The following IGF1R variants were observed in gnomAD, a reference collection of about 807,000 sequenced individuals.
IGF1R encodes insulin like growth factor 1 receptor.
In IGF1R, 44 loss-of-function variants were observed where a neutral mutation model predicts 144.6. That is an observed-to-expected ratio of 0.30 (90% CI 0.24 to 0.39). IGF1R has a LOEUF of 0.39. IGF1R is among the 10% of genes least tolerant of loss of function. IGF1R has a pLI of 1.00. For missense variants in IGF1R, 1,355 were observed against 1,833.7 expected (o/e 0.74, Z 4.77); for synonymous variants, 795 against 722.8 (o/e 1.10, Z -1.60).
At chr15:98,667,032 C>G (rs1448005084) in intron 1 of IGF1R, among the ~76,000 whole-genome samples, 1 of 152,004 alleles carries the variant, frequency 6.6e-6, no homozygotes, top group African/African-American at 2.4e-5. Context: ...ACCACGGGAT[C>G]ACTGCGGGGG....
chr15:98,698,762 G>T (rs1259712195), intron 1 of IGF1R, among the ~76,000 whole-genome samples: 1 of 152,220 alleles, frequency 6.6e-6, no homozygotes, highest in East Asian at 1.9e-4. Flanking sequence ...CCCCAGATCA[G>T]ATAGAAAGCC....
chr15:98,660,491 A>G (rs1038912318), intron 1 of IGF1R: 8 of 152,212 alleles, frequency 5.3e-5, no homozygotes, highest in African/African-American at 9.7e-5. Context: ...TGCCTGGTGC[A>G]TAGGAGGAGC....
At chr15:98,717,335 A>T (rs200543752) in intron 2 of IGF1R, among the ~76,000 whole-genome samples, 4 of 150,288 alleles carry the variant, frequency 2.7e-5, no homozygotes, top group Non-Finnish European at 5.9e-5. Flanking sequence ...AGCTGCTGCT[A>T]TTTTTTTTTT....
chr15:98,868,355 T>C (rs2012575798), intron 2 of IGF1R, among the ~76,000 whole-genome samples: 1 of 72,984 alleles, frequency 1.4e-5, no homozygotes, highest in African/African-American at 4.2e-5. Flanking sequence ...GCCAAATCTG[T>C]TGGGTTTTTT....
At chr15:98,912,963 A>C in intron 7 of IGF1R, 81 bp from the exon 8 acceptor site, 1 of 871,598 alleles carries the variant, frequency 1.1e-6, no homozygotes, top group Non-Finnish European at 2.0e-6. Flanking sequence ...AGAAAGTGTG[A>C]CATGCTGGGC....
At chr15:98,669,084 A>G (rs1037709313) in intron 1 of IGF1R, among the ~76,000 whole-genome samples, 2 of 152,328 alleles carry the variant, frequency 1.3e-5, no homozygotes, top group Middle Eastern at 3.4e-3. Context: ...AGTCACTCCT[A>G]TGACTGTAAA....
chr15:98,949,579 C>T lies in IGF1R; in HGVS notation c.3722+871C>T, dbSNP rs1346916339. On this transcript the variant is annotated intron_variant, in intron 20 of 20. Transcript: ENST00000650285. The stretch of plus-strand genomic sequence containing the variant: ...AGAGATGGGGTTTTACCATATTGGC[C>T]AGGCTGGTCTTGAACTCCTGACCTC... 5.3e-5 allele frequency among the ~76,000 whole-genome samples: 8 copies of T among 152,278 alleles called. No homozygotes were observed. In the South Asian group the frequency reaches 1.2e-3, roughly 24 times the overall value.
intron 3 of IGF1R, among the ~76,000 whole-genome samples, chr15:98,892,906 C>T (rs1220409747): frequency 6.6e-6 from 1 of 152,166 alleles, no homozygotes; most frequent in Non-Finnish European, 1.5e-5. Context: ...AGTCTCAGCT[C>T]CTTGGGAGTT....
At chr15:98,829,818 A>G (rs1030305473) in intron 2 of IGF1R, among the ~76,000 whole-genome samples, 7 of 152,202 alleles carry the variant, frequency 4.6e-5, no homozygotes, top group Non-Finnish European at 1.5e-5. Flanking sequence ...AATGGACTAG[A>G]ATTGACCACT....
intron 1 of IGF1R, among the ~76,000 whole-genome samples, chr15:98,671,645 T>C (rs896704756): frequency 2.0e-5 from 3 of 152,228 alleles, no homozygotes; most frequent in African/African-American, 4.8e-5. Context: ...CTTCAGAGAC[T>C]TGACTACATA....
chr15:98,867,665 A>G (rs985197273), intron 2 of IGF1R, among the ~76,000 whole-genome samples: 4 of 152,148 alleles, frequency 2.6e-5, no homozygotes, highest in Admixed American at 1.3e-4. Context: ...AGCCCTCACA[A>G]TTGCCTGACA....
chr15:98,784,134 C>G (rs114986405), intron 2 of IGF1R, among the ~76,000 whole-genome samples: 1 of 151,864 alleles, frequency 6.6e-6, no homozygotes, highest in Non-Finnish European at 1.5e-5. Context: ...GCAACCACAC[C>G]CGGGTAATTT....
At position 98,957,511 on chromosome 15, in the gene IGF1R, A is replaced by T; in HGVS notation, c.*69A>T. On this transcript the variant is annotated 3_prime_UTR_variant, in exon 21 of 21. Coordinates refer to ENST00000650285, the MANE Select transcript of IGF1R (RefSeq NM_000875.5). ...CGCAGCGGGGTGGGGGGGGAGAGAG[A>T]GTTTTAACAATCCATTCACAAGCCT... 3 of 1,598,104 alleles carry T rather than the reference A, an allele frequency of 1.9e-6. No individual in the cohort carries two copies. Among genetic ancestry groups the T allele is most frequent in the South Asian group, 2.2e-5 (2 of 90,212 alleles).
intron 20 of IGF1R, among the ~76,000 whole-genome samples, chr15:98,956,605 T>C (rs994290468): frequency 6.6e-6 from 1 of 152,116 alleles, no homozygotes; most frequent in African/African-American, 2.4e-5. Context: ...GAGAGCACTG[T>C]TGGGGAAGCT....
intron 10 of IGF1R, 116 bp downstream of exon 10, chr15:98,916,992 C>A: frequency 1.1e-6 from 1 of 871,054 alleles, no homozygotes; most frequent in Non-Finnish European, 1.9e-6. Flanking sequence ...AATACAGTAG[C>A]CACTGAGACG....
At chr15:98,840,479 T>C (rs2038607995) in intron 2 of IGF1R, among the ~76,000 whole-genome samples, 1 of 152,148 alleles carries the variant, frequency 6.6e-6, no homozygotes, top group Admixed American at 6.5e-5. Flanking sequence ...AGATGGAGTC[T>C]CACTCTGTCA....
intron 12 of IGF1R, among the ~76,000 whole-genome samples, chr15:98,924,321 G>C (rs752825160): frequency 7.9e-5 from 12 of 152,174 alleles, no homozygotes; most frequent in Non-Finnish European, 1.8e-4. Context: ...AAAAATGTTT[G>C]GTTAAAGCTT....
intron 2 of IGF1R, among the ~76,000 whole-genome samples, chr15:98,885,224 G>C (rs945132820): frequency 6.6e-6 from 1 of 152,182 alleles, no homozygotes; most frequent in Non-Finnish European, 1.5e-5. Flanking sequence ...CGTCTATAGG[G>C]TGTAACCTAC....
chr15:98,819,506 G>A (rs1192116667), intron 2 of IGF1R, among the ~76,000 whole-genome samples: 1 of 152,088 alleles, frequency 6.6e-6, no homozygotes, highest in African/African-American at 2.4e-5. Context: ...ACCAGAAAGT[G>A]GAGCCCTCAC....
Sources: allele counts gnomAD v4.1 joint callset (sites outside exome capture counted in the v4.1 genomes callset), GRCh38; gene constraint gnomAD v4.1.1; transcripts MANE v1.5; gene names NCBI Gene and HGNC (gene_info 2026-07-23, HGNC 2026-07-21).